SMYD3: variants seen among roughly 807,000 people sequenced by gnomAD.
SMYD3 encodes histone-lysine N-methyltransferase SMYD3.
SMYD3 carries 36 observed loss-of-function variants against 57.7 expected under a neutral mutation model. The observed-to-expected ratio is 0.62, with a 90% CI of 0.48 to 0.82. SMYD3 has a LOEUF of 0.82. SMYD3 is among the 40% of genes least tolerant of loss of function. SMYD3 has a pLI of 0.00. For missense variants in SMYD3, 515 were observed against 538.8 expected (o/e 0.96, Z 0.44); for synonymous variants, 211 against 195.0 (o/e 1.08, Z -0.68).
At chr1:245,990,926 T>C (rs1289406903) in intron 5 of SMYD3, among the ~76,000 whole-genome samples, 1 of 152,226 alleles carries the variant, frequency 6.6e-6, no homozygotes, top group Non-Finnish European at 1.5e-5. Context: ...TCTACACTAG[T>C]CCCTTTCCAA....
At chr1:245,950,708 C>T (rs2057601595) in intron 5 of SMYD3, among the ~76,000 whole-genome samples, 1 of 152,226 alleles carries the variant, frequency 6.6e-6, no homozygotes, top group South Asian at 2.1e-4. Context: ...TATGCCAAGT[C>T]AGTGGTCTTG....
intron 1 of SMYD3, among the ~76,000 whole-genome samples, chr1:246,490,168 C>T (rs537395093): frequency 3.3e-5 from 5 of 152,082 alleles, no homozygotes; most frequent in Non-Finnish European, 5.9e-5. Flanking sequence ...AATTAAATAA[C>T]CACCTATAAA....
chr1:245,965,534 C>G (rs1260733475), intron 5 of SMYD3, among the ~76,000 whole-genome samples: 1 of 152,142 alleles, frequency 6.6e-6, no homozygotes, highest in Non-Finnish European at 1.5e-5. Flanking sequence ...TACATCTAGA[C>G]AACAGATTAT....
intron 1 of SMYD3, among the ~76,000 whole-genome samples, chr1:246,491,527 C>T (rs190953433): frequency 2.5e-3 from 351 of 142,172 alleles, no homozygotes; most frequent in African/African-American, 8.6e-3. Flanking sequence ...GCAACAAGAG[C>T]GAAACTTCGT....
chr1:246,355,312 A>C lies in SMYD3; in HGVS notation c.165-218T>G. ...AAACTAAGTCCTTTTGTCTGACAGAAGATGGCGGGGAAGAGGCAGGACCAG... is the reference window on the plus strand; with the variant it reads ...AAACTAAGTCCTTTTGTCTGACAGACGATGGCGGGGAAGAGGCAGGACCAG... On this transcript the variant is annotated intron_variant, in intron 1 of 11. Transcript: ENST00000490107. The surrounding 1 kb of genome is among the most constrained non-coding windows in gnomAD (Gnocchi z 5.0). 1.9e-6 allele frequency: 1 copy of C among 524,518 alleles called. No individual in the cohort carries two copies. The highest frequency in any genetic ancestry group is 3.4e-6 in the Non-Finnish European group (1 of 294,150). The allele number at this position is 524,518 out of a possible 1,614,324, so 32.5% of individuals were successfully genotyped here.
At chr1:246,375,388 A>C (rs2066259596) in intron 1 of SMYD3, among the ~76,000 whole-genome samples, 1 of 142,536 alleles carries the variant, frequency 7.0e-6, no homozygotes, top group African/African-American at 2.6e-5. Flanking sequence ...CACAAGACAC[A>C]ACATGAGAGT....
At chr1:245,940,687 G>A (rs933000619) in intron 5 of SMYD3, among the ~76,000 whole-genome samples, 2 of 151,586 alleles carry the variant, frequency 1.3e-5, no homozygotes, top group African/African-American at 4.8e-5. Flanking sequence ...GTCAAAGGTA[G>A]ATAAGCCCAC....
intron 8 of SMYD3, among the ~76,000 whole-genome samples, chr1:245,878,892 G>C (rs2052628629): frequency 6.6e-6 from 1 of 152,238 alleles, no homozygotes; most frequent in Non-Finnish European, 1.5e-5. Flanking sequence ...GGTTCCGGCA[G>C]AGAAAGAAGG....
chr1:246,078,299 T>C (rs1380547788), intron 5 of SMYD3, among the ~76,000 whole-genome samples: 1 of 151,160 alleles, frequency 6.6e-6, no homozygotes, highest in Non-Finnish European at 1.5e-5. Flanking sequence ...CAACATGGAG[T>C]TATTGAGACT....
At position 245,991,625 on chromosome 1, in the gene SMYD3, G is replaced by C. The variant is rs193140057; in HGVS notation, c.532-61688C>G. On this transcript the variant is annotated intron_variant, in intron 5 of 11. Coordinates refer to ENST00000490107, the MANE Select transcript of SMYD3 (RefSeq NM_001167740.2). ...GTCACTCCCCGGCTGTTTGCCAGGG[G>C]CTTGGGTTACTTGCCAGGAGGGCTT... 5.3e-5 allele frequency among the ~76,000 whole-genome samples: 8 copies of C among 152,352 alleles called. No homozygotes were observed. The East Asian group carries it at 1.4e-3, about 26-fold the overall frequency.
chr1:245,754,985 T>C (rs766936243), intron 11 of SMYD3, among the ~76,000 whole-genome samples: 45 of 152,236 alleles, frequency 3.0e-4, no homozygotes, highest in Admixed American at 5.9e-4. Context: ...GGTCTGTGCT[T>C]TCCAGTGGTA....
chr1:246,355,229 T>C lies in SMYD3; in HGVS notation c.165-135A>G. 2.4e-6 allele frequency: 2 copies of C among 817,252 alleles called. No homozygotes were observed. Among genetic ancestry groups the C allele is most frequent in the East Asian group, 5.5e-5 (2 of 36,226 alleles). The allele number at this position is 817,252 out of a possible 1,614,324, so 50.6% of individuals were successfully genotyped here. On this transcript the variant is annotated intron_variant, in intron 1 of 11. Coordinates refer to ENST00000490107, the MANE Select transcript of SMYD3 (RefSeq NM_001167740.2). The surrounding 1 kb of genome is among the most constrained non-coding windows in gnomAD (Gnocchi z 5.0). ...TCCATTATGTACAGTCCCTTAAGAT[T>C]TGGATTTTCACACTGATGAGCCTCC...
At chr1:246,348,613 G>A (rs2065766924) in intron 2 of SMYD3, among the ~76,000 whole-genome samples, 1 of 150,850 alleles carries the variant, frequency 6.6e-6, no homozygotes, top group Non-Finnish European at 1.5e-5. Flanking sequence ...GGGGAAGGAG[G>A]AGGAGGTGCA....
In SMYD3 at chr1:246,095,681, C is replaced by G. The variant is rs539472680; in HGVS notation, c.532-165744G>C. Among the ~76,000 whole-genome samples, 3 of 152,316 alleles carry G rather than the reference C, an allele frequency of 2.0e-5. No individual in the cohort carries two copies. The East Asian group carries it at 5.8e-4, about 29-fold the overall frequency. On this transcript the variant is annotated intron_variant, in intron 5 of 11. Transcript: ENST00000490107. ...GCTGCTTTCTTTCAAAGGAGAAAAG[C>G]AGCCCGAGCAACACAGTGAGACTCT...
rs1394162128 is a variant in SMYD3, at chr1:245,933,949, CT to C, written c.532-4013del. Among the ~76,000 whole-genome samples the C allele has an allele frequency of 1.5e-4, 23 of 152,238 alleles. 1 individual carries two copies. The highest frequency in any genetic ancestry group is 1.4e-3 in the Admixed American group (22 of 15,292). ...AAGAACCCAGCCACTTCCCAGCCCC[CT>C]CCCCCAATTACTGAATTCTACACAG... On this transcript the variant is annotated intron_variant, in intron 5 of 11. Transcript: ENST00000490107.
intron 5 of SMYD3, among the ~76,000 whole-genome samples, chr1:246,069,434 A>G (rs1215056738): frequency 6.6e-6 from 1 of 152,188 alleles, no homozygotes; most frequent in Non-Finnish European, 1.5e-5. Flanking sequence ...AAATCTCAAG[A>G]GCAGGCCTGT....
rs908318300 is a variant in SMYD3, at chr1:246,507,076, C to T, written c.142G>A (p.Val48Ile). 43 of 1,515,122 alleles carry T rather than the reference C, an allele frequency of 2.8e-5. No individual in the cohort carries two copies. The Admixed American group carries it at 7.5e-4, about 26-fold the overall frequency. 93.9% of individuals were successfully genotyped at this position (1,515,122 alleles called of 1,614,324 possible). The change falls in exon 1 of 12, where the codon GTC (valine) becomes ATC (isoleucine). Residue 48 changes from valine to isoleucine, a missense_variant. Physicochemically the swap from Val to Ile is conservative, Grantham distance 29 (BLOSUM62 3). Transcript: ENST00000490107. ...CACCCGAGAAGGCAGCGGTCGCAGA[C>T]GACGCCACGACTCCCCTTGCACACC... ...YTVCKGSRGV[V>I]CDRCLLGKEK...
rs578218640 is a variant in SMYD3, at chr1:245,962,088, G to A, written c.532-32151C>T. On this transcript the variant is annotated intron_variant, in intron 5 of 11. Coordinates refer to ENST00000490107, the MANE Select transcript of SMYD3 (RefSeq NM_001167740.2). ...CATACCACATGACACAGCCTCCCAC[G>A]TGAGCCAGCAGCTGTATTTCATCTG... Among the ~76,000 whole-genome samples the A allele has an allele frequency of 5.5e-4, 83 of 152,174 alleles. 1 individual carries two copies. Among genetic ancestry groups the A allele is most frequent in the African/African-American group, 1.9e-3 (77 of 41,488 alleles).
intron 5 of SMYD3, among the ~76,000 whole-genome samples, chr1:246,204,907 A>C (rs184409773): frequency 7.9e-5 from 12 of 152,336 alleles, no homozygotes; most frequent in Admixed American, 2.0e-4. Flanking sequence ...TTTTTAAACT[A>C]TTCTAACATA....
Sources: allele counts gnomAD v4.1 joint callset (sites outside exome capture counted in the v4.1 genomes callset), GRCh38; gene constraint gnomAD v4.1.1; non-coding constraint Gnocchi (gnomAD v3.1); transcripts MANE v1.5; gene names NCBI Gene and HGNC (gene_info 2026-07-23, HGNC 2026-07-21).